The following SNTG1 variants were observed in gnomAD, a reference collection of about 807,000 sequenced individuals.
SNTG1 encodes gamma-1-syntrophin.
Under a neutral mutation model 74.7 loss-of-function variants are expected in SNTG1, and 39 were observed. The ratio of observed to expected loss-of-function variants is 0.52; its 90% confidence interval spans 0.40 to 0.68. SNTG1 has a LOEUF of 0.68. SNTG1 is among the 30% of genes least tolerant of loss of function. The pLI is 0.00. For missense variants in SNTG1, 685 were observed against 609.5 expected (o/e 1.12, Z -1.30); for synonymous variants, 254 against 217.1 (o/e 1.17, Z -1.49).
chr8:50,259,885 C>T (rs1403851254), intron 2 of SNTG1, among the ~76,000 whole-genome samples: 3 of 152,038 alleles, frequency 2.0e-5, no homozygotes, highest in Non-Finnish European at 4.4e-5. Context: ...TCATGAGACA[C>T]AGTCTGGGGT....
rs2094309672 is a variant in SNTG1 at position 50,536,672 on chromosome 8, T to A, written c.550-6T>A. 1 of 1,612,994 alleles carries A rather than the reference T, an allele frequency of 6.2e-7. No homozygotes were observed. The highest frequency in any genetic ancestry group is 8.5e-7 in the Non-Finnish European group (1 of 1,179,452). ...AAATTACGTTGAATATTTATCTTCC[T>A]TTCAGGACACATTATCATGCTCGTC... On this transcript the variant is annotated splice_polypyrimidine_tract_variant and splice_region_variant and intron_variant, in intron 10 of 18. Transcript: ENST00000642720.
At chr8:50,106,335 T>A (rs772845375) in intron 1 of SNTG1, among the ~76,000 whole-genome samples, 2 of 152,056 alleles carry the variant, frequency 1.3e-5, no homozygotes, top group Admixed American at 6.6e-5. Context: ...ATGGGGGGAA[T>A]CCACCTCCAT....
intron 1 of SNTG1, among the ~76,000 whole-genome samples, chr8:49,986,644 G>A (rs1442409813): frequency 2.6e-5 from 4 of 151,862 alleles, no homozygotes; most frequent in East Asian, 1.9e-4. Context: ...AGGCCAAGGA[G>A]GGCAGATTGC....
intron 1 of SNTG1, among the ~76,000 whole-genome samples, chr8:50,168,816 A>G (rs537420892): frequency 5.7e-4 from 87 of 152,322 alleles, no homozygotes; most frequent in African/African-American, 1.7e-3. Flanking sequence ...AGAAATCTAC[A>G]GAGAGATCCA....
chr8:50,785,719 A>G (rs991345522), intron 18 of SNTG1, among the ~76,000 whole-genome samples: 6 of 151,704 alleles, frequency 4.0e-5, no homozygotes, highest in African/African-American at 1.5e-4. Context: ...ATGAAAAGAA[A>G]GCCATAGACC....
At chr8:50,131,045 C>CA (rs1310133512) in intron 1 of SNTG1, among the ~76,000 whole-genome samples, 1 of 151,388 alleles carries the variant, frequency 6.6e-6, no homozygotes, top group Non-Finnish European at 1.5e-5. Flanking sequence ...ATAAAAACAG[C>CA]ATGTTTAATT....
chr8:50,041,550 G>A lies in SNTG1; in HGVS notation c.-103+129319G>A, dbSNP rs538569610. 8.2e-4 allele frequency among the ~76,000 whole-genome samples: 125 copies of A among 152,202 alleles called. 1 individual carries two copies. The highest frequency in any genetic ancestry group is 2.6e-3 in the African/African-American group (109 of 41,516). ...CGGAATTGAGCTCAGTAGAACTTAC[G>A]ATTGTAAATATTTTTTTTCTTCTAA... On this transcript the variant is annotated intron_variant, in intron 1 of 18. Transcript: ENST00000642720.
At chr8:50,224,283 T>G (rs2085218576) in intron 2 of SNTG1, among the ~76,000 whole-genome samples, 1 of 152,114 alleles carries the variant, frequency 6.6e-6, no homozygotes, top group Non-Finnish European at 1.5e-5. Flanking sequence ...GTGACATAGA[T>G]TACACACACA....
chr8:50,438,917 AT>A (rs1339324152), intron 5 of SNTG1, among the ~76,000 whole-genome samples: 1 of 152,196 alleles, frequency 6.6e-6, no homozygotes, highest in African/African-American at 2.4e-5. Flanking sequence ...GGAGTAGGAA[AT>A]GATGATCTGC....
intron 17 of SNTG1, among the ~76,000 whole-genome samples, chr8:50,730,475 G>A (rs921145809): frequency 7.9e-5 from 12 of 152,036 alleles, no homozygotes; most frequent in Non-Finnish European, 1.8e-4. Context: ...GACATTAGGG[G>A]CATTACATGA....
At chr8:50,371,437 C>T (rs2092266063) in intron 2 of SNTG1, among the ~76,000 whole-genome samples, 1 of 152,188 alleles carries the variant, frequency 6.6e-6, no homozygotes, top group South Asian at 2.1e-4. Context: ...TCATATGGCT[C>T]CTGCCAAGTT....
chr8:50,445,761 TCCCG>T (rs1273758208), intron 5 of SNTG1, among the ~76,000 whole-genome samples: 1 of 152,152 alleles, frequency 6.6e-6, no homozygotes, highest in African/African-American at 2.4e-5. Flanking sequence ...TGAGCCACAG[TCCCG>T]CCCAGGAGTG....
At chr8:50,110,148 C>A (rs935421140) in intron 1 of SNTG1, among the ~76,000 whole-genome samples, 3 of 152,118 alleles carry the variant, frequency 2.0e-5, no homozygotes, top group Non-Finnish European at 4.4e-5. Context: ...TCTCCTCTGC[C>A]CTCTTCCCTT....
chr8:50,527,768 A>G (rs2094233809), intron 9 of SNTG1, among the ~76,000 whole-genome samples: 1 of 152,024 alleles, frequency 6.6e-6, no homozygotes, highest in South Asian at 2.1e-4. Context: ...TAAAAAATGT[A>G]TTGGAATTTT....
At chr8:50,515,421 T>G (rs1268484348) in intron 9 of SNTG1, among the ~76,000 whole-genome samples, 4 of 109,122 alleles carry the variant, frequency 3.7e-5, no homozygotes, top group Admixed American at 1.2e-4. Flanking sequence ...TTTTTGTTAC[T>G]CCAGTGGATC....
intron 1 of SNTG1, among the ~76,000 whole-genome samples, chr8:50,059,779 C>A (rs1346743394): frequency 6.6e-6 from 1 of 152,028 alleles, no homozygotes; most frequent in East Asian, 1.9e-4. Flanking sequence ...TTTTGGGTAT[C>A]ATGAATAATG....
chr8:50,585,798 T>G (rs2094644483), intron 12 of SNTG1, among the ~76,000 whole-genome samples: 1 of 152,308 alleles, frequency 6.6e-6, no homozygotes, highest in Non-Finnish European at 1.5e-5. Flanking sequence ...TTTTTGGGTT[T>G]TCTAATTAAA....
intron 2 of SNTG1, among the ~76,000 whole-genome samples, chr8:50,230,852 T>A (rs530747406): frequency 1.6e-3 from 242 of 150,218 alleles, no homozygotes; most frequent in African/African-American, 5.7e-3. Context: ...TTTTTTTTTT[T>A]AATTTGACTC....
chr8:50,618,412 A>ATACT (rs1227172677), intron 13 of SNTG1, among the ~76,000 whole-genome samples: 2 of 152,186 alleles, frequency 1.3e-5, no homozygotes, highest in Non-Finnish European at 2.9e-5. Flanking sequence ...ATTCTACCAT[A>ATACT]TACTACATTT....
Sources: allele counts gnomAD v4.1 joint callset (sites outside exome capture counted in the v4.1 genomes callset), GRCh38; gene constraint gnomAD v4.1.1; transcripts MANE v1.5; gene names NCBI Gene and HGNC (gene_info 2026-07-23, HGNC 2026-07-21).